The following EEA1 variants were observed in gnomAD, a reference collection of about 807,000 sequenced individuals.
EEA1 encodes the protein early endosome antigen 1, 162kD.
Under a neutral mutation model 209.2 loss-of-function variants are expected in EEA1, and 111 were observed. That is an observed-to-expected ratio of 0.53 (90% CI 0.45 to 0.62). The LOEUF (loss-of-function observed/expected upper bound fraction) is 0.62, where lower values mean the gene tolerates loss of function less well. EEA1 is among the 20% of genes least tolerant of loss of function. The pLI is 0.00. For missense variants in EEA1, 1,343 were observed against 1,530.8 expected (o/e 0.88, Z 2.05); for synonymous variants, 536 against 540.6 (o/e 0.99, Z 0.12).
chr12:92,782,122 T>C lies in EEA1; in HGVS notation c.3164A>G (p.Lys1055Arg). ...CAAGTCCTCCTGTGCTAGAGAAAGC[T>C]TCTCTTCTACAGACTTACAAAAACA... ...TRQDLKSVEE[K>R]LSLAQEDLIS... Residue 1055 changes from lysine (K) to arginine (R), a missense_variant, in exon 23 of 29, where the codon AAG becomes AGG. By Grantham distance (26) the Lys-to-Arg change is conservative. Around this residue, in one of 3 missense-constraint regions of EEA1, gnomAD observed 1,307 missense variants for 1,465.5 expected, o/e 0.89. Coordinates refer to ENST00000322349, the MANE Select transcript of EEA1 (RefSeq NM_003566.4). 1 of 1,609,688 alleles carries C rather than the reference T, an allele frequency of 6.2e-7. No individual in the cohort carries two copies. Among genetic ancestry groups the C allele is most frequent in the Non-Finnish European group, 8.5e-7 (1 of 1,177,722 alleles).
intron 10 of EEA1, among the ~76,000 whole-genome samples, chr12:92,839,975 G>A (rs527728511): frequency 5.9e-5 from 9 of 152,256 alleles, no homozygotes; most frequent in African/African-American, 2.2e-4. Context: ...TCTCTCATGA[G>A]GTTATAGTAA....
chr12:92,792,340 C>A (rs1055653627), intron 21 of EEA1, among the ~76,000 whole-genome samples: 1 of 152,004 alleles, frequency 6.6e-6, no homozygotes, highest in Non-Finnish European at 1.5e-5. Context: ...AATGCAGGAG[C>A]TGGTTTTTTG....
At chr12:92,804,076 C>A (rs1317034293) in intron 18 of EEA1, among the ~76,000 whole-genome samples, 1 of 151,756 alleles carries the variant, frequency 6.6e-6, no homozygotes, top group African/African-American at 2.4e-5. Flanking sequence ...GATAGAACAA[C>A]CAGAGGAACA....
At chr12:92,836,246 A>G (rs957566774) in intron 10 of EEA1, among the ~76,000 whole-genome samples, 10 of 152,202 alleles carry the variant, frequency 6.6e-5, no homozygotes, top group African/African-American at 2.4e-4. Flanking sequence ...TGTACTCCCT[A>G]AAATATATCC....
chr12:92,854,018 T>C (rs1454408286), intron 5 of EEA1, 64 bp from the exon 6 acceptor site: 10 of 1,270,708 alleles, frequency 7.9e-6, no homozygotes, highest in Non-Finnish European at 1.1e-5. Context: ...GTTAAAATGG[T>C]CAATGTTAAA....
At chr12:92,800,178 C>T (rs111453784) in intron 20 of EEA1, among the ~76,000 whole-genome samples, 185 of 151,556 alleles carry the variant, frequency 1.2e-3, no homozygotes, top group African/African-American at 3.9e-3. Context: ...GCCGAGATTG[C>T]GCCACTGCAC....
Position 92,816,383 on chromosome 12 carries a change from C to T in EEA1, c.1746G>A (p.Glu582=), listed in dbSNP as rs771808148. 1 of 1,613,780 alleles carries T rather than the reference C, an allele frequency of 6.2e-7. No homozygotes were observed. The change falls in exon 15 of 29, where the codon GAG becomes GAA. Residue 582 remains glutamate, a synonymous_variant. Coordinates refer to ENST00000322349, the MANE Select transcript of EEA1 (RefSeq NM_003566.4). ...TLQEQVTQLT[E]KLKNQSESHK... ...GACTTTCTGACTGATTCTTCAGCTT[C>T]TCTGTTAGTTGAGTTACCTGTTATA...
At chr12:92,893,750 A>G (rs763313326) in intron 1 of EEA1, among the ~76,000 whole-genome samples, 1 of 152,020 alleles carries the variant, frequency 6.6e-6, no homozygotes, top group Non-Finnish European at 1.5e-5. Flanking sequence ...TCATTTTGCT[A>G]CTTTTTTTTT....
chr12:92,851,281 AT>A lies in EEA1; in HGVS notation c.643-16del, dbSNP rs1347263721. On this transcript the variant is annotated splice_polypyrimidine_tract_variant and intron_variant, in intron 8 of 28. Transcript: ENST00000322349. The stretch of plus-strand genomic sequence containing the variant: ...GGTCTCTGAAGCTGTGAAACAACAC[AT>A]TTTAATTAAAAATTAAAGTGAAAAA... 2 of 1,592,280 alleles carry A rather than the reference AT, an allele frequency of 1.3e-6. No individual in the cohort carries two copies. The highest frequency in any genetic ancestry group is 1.7e-6 in the Non-Finnish European group (2 of 1,174,298).
intron 1 of EEA1, among the ~76,000 whole-genome samples, chr12:92,927,085 C>G (rs552149359): frequency 6.6e-6 from 1 of 152,174 alleles, no homozygotes; most frequent in Non-Finnish European, 1.5e-5. Flanking sequence ...TTCAAACTTT[C>G]CTACTAAAGA....
intron 18 of EEA1, among the ~76,000 whole-genome samples, chr12:92,808,003 A>T (rs1875295867): frequency 6.6e-6 from 1 of 152,222 alleles, no homozygotes; most frequent in Admixed American, 6.5e-5. Flanking sequence ...TTAATATCTA[A>T]TATCATAAAG....
chr12:92,884,212 T>C (rs1879283513), intron 2 of EEA1: 1 of 1,513,920 alleles, frequency 6.6e-7, no homozygotes, highest in Non-Finnish European at 9.0e-7. Flanking sequence ...AAAGGGGCTT[T>C]GCCTTTGTAA....
intron 1 of EEA1, among the ~76,000 whole-genome samples, chr12:92,910,893 C>T (rs1880559429): frequency 6.6e-6 from 1 of 152,202 alleles, no homozygotes; most frequent in African/African-American, 2.4e-5. Flanking sequence ...AGTTGCTCCA[C>T]AGCATACACC....
intron 1 of EEA1, among the ~76,000 whole-genome samples, chr12:92,920,770 C>A (rs1367616256): frequency 6.6e-6 from 1 of 151,172 alleles, no homozygotes; most frequent in Admixed American, 6.6e-5. Flanking sequence ...AACTCAAGAG[C>A]TTCTGCACAG....
At chr12:92,859,432 TG>T (rs983400876) in intron 3 of EEA1, among the ~76,000 whole-genome samples, 1 of 152,226 alleles carries the variant, frequency 6.6e-6, no homozygotes, top group Non-Finnish European at 1.5e-5. Context: ...TTAGCTTTTG[TG>T]GGTAAGTTGG....
intron 2 of EEA1, among the ~76,000 whole-genome samples, chr12:92,869,752 CAAAAAAAAAAAAAAAAAA>C (rs71069185): frequency 2.0e-3 from 54 of 26,794 alleles, no homozygotes; most frequent in South Asian, 8.4e-3. Flanking sequence ...GATTCTGCCT[CAAAAAAAAAAAAAAAAAA>C]AAAAAAAAAA....
At chr12:92,830,274 T>C (rs1876567641) in intron 11 of EEA1, among the ~76,000 whole-genome samples, 2 of 152,180 alleles carry the variant, frequency 1.3e-5, no homozygotes, top group Non-Finnish European at 1.5e-5. Flanking sequence ...ATTACCTAGG[T>C]AATAAACATA....
At chr12:92,897,407 T>C (rs1879932925) in intron 1 of EEA1, among the ~76,000 whole-genome samples, 1 of 152,204 alleles carries the variant, frequency 6.6e-6, no homozygotes, top group South Asian at 2.1e-4. Context: ...TTGGCTGTTT[T>C]CTGCAACCAA....
At chr12:92,901,543 T>C (rs1880140300) in intron 1 of EEA1, among the ~76,000 whole-genome samples, 1 of 151,970 alleles carries the variant, frequency 6.6e-6, no homozygotes, top group East Asian at 1.9e-4. Flanking sequence ...CTCCTCATGA[T>C]TGCTGTTAAA....
Sources: gnomAD v4.1 joint callset for allele counts (sites outside exome capture counted in the v4.1 genomes callset) on GRCh38, gnomAD v4.1.1 for gene constraint, gnomAD v4.1.1 regional missense constraint, MANE v1.5 for transcripts, NCBI Gene and HGNC (gene_info 2026-07-23, HGNC 2026-07-21) for gene names.